APC: variants seen among roughly 807,000 people sequenced by gnomAD.
APC encodes APC regulator of Wnt signaling pathway.
In APC, 72 loss-of-function variants were observed where a neutral mutation model predicts 247.0. That is an observed-to-expected ratio of 0.29 (90% CI 0.24 to 0.35). The LOEUF is 0.35. Ranked by LOEUF, APC falls within the 10% of genes least tolerant of loss-of-function variation. The pLI is 1.00. For missense variants in APC, 3,400 were observed against 3,360.7 expected (o/e 1.01, Z -0.29); for synonymous variants, 1,254 against 1,162.5 (o/e 1.08, Z -1.60).
In APC at chr5:112,707,637, A is replaced by T. The variant is rs1395227226; in HGVS notation, c.-81A>T. ...GGAGCTGCGGACCGAGGTTGGCTCG[A>T]TGCTGTTCCCAGGTACTGTTGTTGG... On this transcript the variant is annotated 5_prime_UTR_variant, in exon 1 of 14. Transcript: ENST00000507379. 3.0e-6 allele frequency: 4 copies of T among 1,347,824 alleles called. No individual in the cohort carries two copies. The highest frequency in any genetic ancestry group is 2.5e-5 in the South Asian group (2 of 81,074). The allele number at this position is 1,347,824 out of a possible 1,614,324, so 83.5% of individuals were successfully genotyped here.
At chr5:112,707,993 C>G (rs1383591181) in intron 1 of APC, 4 of 1,116,690 alleles carry the variant, frequency 3.6e-6, no homozygotes, top group Non-Finnish European at 2.3e-6. Context: ...GCTCTCTTCT[C>G]TCCATGTCTC....
At chr5:112,769,050 C>CTTTTTTTTTTTTTTT (rs11379766) in intron 4 of APC, among the ~76,000 whole-genome samples, 23 of 96,808 alleles carry the variant, frequency 2.4e-4, no homozygotes, top group African/African-American at 6.2e-4. Flanking sequence ...TTTTTTTCTT[C>CTTTTTTTTTTTTTTT]TTTTTTTTTT....
chr5:112,837,460 A>G (rs915065487), intron 15 of APC, 93 bp from the exon 16 acceptor site: 6 of 881,298 alleles, frequency 6.8e-6, no homozygotes, highest in African/African-American at 6.7e-5. Flanking sequence ...AATTGGTACA[A>G]TCATATTATG....
upstream of APC, among the ~76,000 whole-genome samples, chr5:112,735,835 T>C (rs1449128921): frequency 6.6e-6 from 1 of 152,182 alleles, no homozygotes; most frequent in Non-Finnish European, 1.5e-5. Flanking sequence ...GAACATATAA[T>C]GGTCGTAGCT....
At chr5:112,814,199 TAC>T (rs1580505510) in intron 8 of APC, among the ~76,000 whole-genome samples, 1 of 152,200 alleles carries the variant, frequency 6.6e-6, no homozygotes, top group Non-Finnish European at 1.5e-5. Flanking sequence ...ACACTATTCT[TAC>T]AGTCATTTCC....
rs764176476 is a variant in APC at position 112,819,355 on chromosome 5, T to C, written c.1312+11T>C. The C allele has an allele frequency of 1.2e-6, 2 of 1,613,942 alleles. No homozygotes were observed. Among genetic ancestry groups the C allele is most frequent in the South Asian group, 2.2e-5 (2 of 91,080 alleles). On this transcript the variant is annotated intron_variant, in intron 10 of 15. Coordinates refer to ENST00000257430, the MANE Select transcript of APC (RefSeq NM_000038.6). Reference sequence around the variant, plus strand: ...AGGACAAAAATCCAAGTATGTTCTCTATAGTGTACATCGTAGTGCATGTTT... The same window carrying C: ...AGGACAAAAATCCAAGTATGTTCTCCATAGTGTACATCGTAGTGCATGTTT...
intron 8 of APC, among the ~76,000 whole-genome samples, 164 bp downstream of exon 8, chr5:112,801,547 A>G (rs997782857): frequency 1.3e-5 from 2 of 152,172 alleles, no homozygotes; most frequent in African/African-American, 2.4e-5. Context: ...TCTCTTTATT[A>G]TATCAGCAAT....
chr5:112,837,974 A>G lies in APC; in HGVS notation c.2380A>G (p.Ser794Gly), dbSNP rs1765166750. 6.2e-7 allele frequency: 1 copy of G among 1,614,046 alleles called. No individual in the cohort carries two copies. Among genetic ancestry groups the G allele is most frequent in the Admixed American group, 1.7e-5 (1 of 60,004 alleles). ...SHRSKQRHKQ[S>G]LYGDYVFDTN... is the part of the protein sequence containing the mutation. ...TCGTAGTAAGCAGAGACACAAGCAA[A>G]GTCTCTATGGTGATTATGTTTTTGA... The change falls in exon 16 of 16, where the codon AGT (serine) becomes GGT (glycine). Residue 794 changes from serine (S) to glycine (G), a missense_variant. By Grantham distance (56) the Ser-to-Gly change is moderately conservative (BLOSUM62 0). This residue lies in a region of APC where 91 missense variants were observed against 103.3 expected (regional missense o/e 0.88). Coordinates refer to ENST00000257430, the MANE Select transcript of APC (RefSeq NM_000038.6).
intron 6 of APC, among the ~76,000 whole-genome samples, chr5:112,787,740 T>C (rs1759127206): frequency 6.6e-6 from 1 of 152,202 alleles, no homozygotes. Flanking sequence ...AAATCTGTTA[T>C]CTGTATTAGC....
intron 1 of APC, among the ~76,000 whole-genome samples, chr5:112,715,245 C>A (rs1751091509): frequency 6.6e-6 from 1 of 152,094 alleles, no homozygotes; most frequent in Non-Finnish European, 1.5e-5. Flanking sequence ...GATAGTGTGG[C>A]AACATTGAGT....
intron 2 of APC, among the ~76,000 whole-genome samples, chr5:112,762,956 CTG>C (rs1561456565): frequency 6.6e-6 from 1 of 152,178 alleles, no homozygotes; most frequent in Non-Finnish European, 1.5e-5. Context: ...CTGGATGTGA[CTG>C]TAAATTTACA....
intron 8 of APC, among the ~76,000 whole-genome samples, chr5:112,807,087 T>C (rs1295084253): frequency 6.6e-6 from 1 of 151,126 alleles, no homozygotes; most frequent in Non-Finnish European, 1.5e-5. Flanking sequence ...GAGTTGAGAT[T>C]GTACCACTGC....
chr5:112,745,209 C>G (rs960540391), intron 1 of APC, among the ~76,000 whole-genome samples: 5 of 152,002 alleles, frequency 3.3e-5, no homozygotes, highest in African/African-American at 7.2e-5. Context: ...CAAGGCAAAC[C>G]TTTAAAAATT....
At chr5:112,750,795 T>A (rs1204709624) in intron 1 of APC, among the ~76,000 whole-genome samples, 1 of 152,138 alleles carries the variant, frequency 6.6e-6, no homozygotes, top group Non-Finnish European at 1.5e-5. Flanking sequence ...ACCATTTAAA[T>A]ATCTTTACTT....
At chr5:112,764,013 G>A (rs183346146) in intron 2 of APC, among the ~76,000 whole-genome samples, 16 of 152,010 alleles carry the variant, frequency 1.1e-4, no homozygotes, top group African/African-American at 3.6e-4. Flanking sequence ...TGACGCGGGC[G>A]GATGGTGATG....
intron 7 of APC, among the ~76,000 whole-genome samples, chr5:112,799,835 C>A (rs868446231): frequency 1.3e-5 from 2 of 152,254 alleles, no homozygotes; most frequent in African/African-American, 4.8e-5. Flanking sequence ...CTCCCTCCTA[C>A]CCTGGGTCCT....
intron 6 of APC, among the ~76,000 whole-genome samples, chr5:112,784,137 G>A (rs1561490405): frequency 1.3e-5 from 2 of 152,074 alleles, no homozygotes; most frequent in Non-Finnish European, 2.9e-5. Flanking sequence ...GTTTGATTTC[G>A]CCTTACTGCA....
intron 1 of APC, among the ~76,000 whole-genome samples, chr5:112,732,221 T>C (rs1413670952): frequency 6.6e-6 from 1 of 152,232 alleles, no homozygotes; most frequent in African/African-American, 2.4e-5. Context: ...ATTAAAAGGC[T>C]ATTTCAAAAT....
intron 1 of APC, among the ~76,000 whole-genome samples, chr5:112,717,671 G>A (rs564100324): frequency 1.3e-4 from 20 of 152,116 alleles, no homozygotes; most frequent in Non-Finnish European, 2.9e-4. Flanking sequence ...GGCTGCTTTT[G>A]AGATTTTTAT....
Sources: allele counts gnomAD v4.1 joint callset (sites outside exome capture counted in the v4.1 genomes callset), GRCh38; gene constraint gnomAD v4.1.1; regional missense constraint gnomAD v4.1.1; transcripts MANE v1.5; gene names NCBI Gene and HGNC (gene_info 2026-07-23, HGNC 2026-07-21).